Variants in TMEM150C observed in about 807,000 individuals in gnomAD.
The protein encoded by TMEM150C is transmembrane protein 150C.
In TMEM150C, 10 loss-of-function variants were observed where a neutral mutation model predicts 29.9. The observed-to-expected ratio is 0.33, with a 90% CI of 0.21 to 0.57. TMEM150C has a LOEUF of 0.57. Among genes scored for constraint, TMEM150C ranks in the 20% least tolerant of loss-of-function variants. The pLI, the probability that TMEM150C is intolerant of heterozygous loss-of-function variation, is 0.88. For missense variants in TMEM150C, 251 were observed against 303.6 expected (o/e 0.83, Z 1.29); for synonymous variants, 101 against 112.5 (o/e 0.90, Z 0.64).
chr4:82,503,199 T>C (rs953374176), intron 2 of TMEM150C, 87 bp from the exon 3 acceptor site: 8 of 903,622 alleles, frequency 8.9e-6, no homozygotes, highest in Non-Finnish European at 1.2e-5. Flanking sequence ...ACTGCACTAA[T>C]TCATATTCAT....
Position 82,502,717 on chromosome 4 carries a change from CTCT to C in TMEM150C, c.235+7_235+9del. ...CAAAGCACATAAAGCGTTCTTTACCCTCTTCTTACCTAGGAAGGCTGCCATGTT... is the reference window on the plus strand; with the variant it reads ...CAAAGCACATAAAGCGTTCTTTACCCTCTTACCTAGGAAGGCTGCCATGTT... On this transcript the variant is annotated splice_region_variant and intron_variant, in intron 5 of 7. Coordinates refer to ENST00000449862, the MANE Select transcript of TMEM150C (RefSeq NM_001080506.3). 1 of 1,605,398 alleles carries C rather than the reference CTCT, an allele frequency of 6.2e-7. No homozygotes were observed. Among genetic ancestry groups the C allele is most frequent in the South Asian group, 1.1e-5 (1 of 89,124 alleles).
Position 82,485,509 on chromosome 4 carries a change from G to C in TMEM150C, c.*2C>G. On this transcript the variant is annotated 3_prime_UTR_variant, in exon 8 of 8. Coordinates refer to ENST00000449862, the MANE Select transcript of TMEM150C (RefSeq NM_001080506.3). ...CCTCACCAGCAAGGAAAAACTGATG[G>C]TTTACACCTGGTCAGTCTGATATTC... The C allele has an allele frequency of 1.3e-6, 2 of 1,590,850 alleles. No individual in the cohort carries two copies. Among genetic ancestry groups the C allele is most frequent in the Non-Finnish European group, 1.7e-6 (2 of 1,168,148 alleles).
intron 1 of TMEM150C, among the ~76,000 whole-genome samples, chr4:82,558,946 C>A (rs1725827119): frequency 6.6e-6 from 1 of 152,148 alleles, no homozygotes; most frequent in Non-Finnish European, 1.5e-5. Context: ...TTCTTCCCCA[C>A]CCTAACTGAT....
chr4:82,511,588 A>C (rs1418030186), intron 1 of TMEM150C, among the ~76,000 whole-genome samples: 1 of 146,032 alleles, frequency 6.8e-6, no homozygotes, highest in Non-Finnish European at 1.5e-5. Flanking sequence ...TGATCCTCCC[A>C]CTTCAGCTTT....
upstream of TMEM150C, chr4:82,562,121 G>GTC (rs1725960288): frequency 7.9e-7 from 1 of 1,265,322 alleles, no homozygotes; most frequent in Admixed American, 2.5e-5. Flanking sequence ...GATCCCCTGG[G>GTC]TCTCGGGCTT....
chr4:82,546,152 G>A (rs1352773133), intron 1 of TMEM150C, among the ~76,000 whole-genome samples: 2 of 152,098 alleles, frequency 1.3e-5, no homozygotes, highest in Admixed American at 6.5e-5. Flanking sequence ...TAAAATGGCT[G>A]TTCTTCCTAA....
intron 1 of TMEM150C, among the ~76,000 whole-genome samples, chr4:82,559,742 C>T (rs1725858019): frequency 6.6e-6 from 1 of 152,162 alleles, no homozygotes; most frequent in Non-Finnish European, 1.5e-5. Context: ...CTAAGTGTTA[C>T]AGATTCTTCT....
At chr4:82,491,895 G>T (rs72913662) in intron 6 of TMEM150C, among the ~76,000 whole-genome samples, 19,884 of 150,932 alleles carry the variant, frequency 0.13, 2,553 homozygotes, top group African/African-American at 0.3. Context: ...TGTTCTTCAC[G>T]CTTGCAAAAC....
At chr4:82,552,669 C>G (rs1246834200) in intron 1 of TMEM150C, among the ~76,000 whole-genome samples, 1 of 152,156 alleles carries the variant, frequency 6.6e-6, no homozygotes, top group South Asian at 2.1e-4. Context: ...CTGAGCTCCC[C>G]GACCCACCCA....
intron 1 of TMEM150C, among the ~76,000 whole-genome samples, chr4:82,522,273 C>CA (rs1462036536): frequency 6.6e-6 from 1 of 152,034 alleles, no homozygotes; most frequent in Non-Finnish European, 1.5e-5. Context: ...CACAAGCGAC[C>CA]AAAGTGAAAC....
intron 1 of TMEM150C, among the ~76,000 whole-genome samples, chr4:82,529,360 C>T (rs964834434): frequency 5.3e-5 from 8 of 151,240 alleles, no homozygotes; most frequent in Non-Finnish European, 1.2e-4. Flanking sequence ...ACAATCACAG[C>T]TCACTCCAGC....
intron 1 of TMEM150C, among the ~76,000 whole-genome samples, chr4:82,557,717 G>A (rs1725777304): frequency 6.7e-6 from 1 of 149,492 alleles, no homozygotes; most frequent in Non-Finnish European, 1.5e-5. Flanking sequence ...AGTACAAGTG[G>A]TTTTTCTTTT....
At chr4:82,515,680 C>T (rs557675560) in intron 1 of TMEM150C, among the ~76,000 whole-genome samples, 3 of 150,394 alleles carry the variant, frequency 2.0e-5, no homozygotes, top group Non-Finnish European at 3.0e-5. Context: ...GAGGTTGCAG[C>T]GAGCTGAGAT....
At chr4:82,524,215 C>A (rs976394379) in intron 1 of TMEM150C, among the ~76,000 whole-genome samples, 1 of 151,712 alleles carries the variant, frequency 6.6e-6, no homozygotes, top group Admixed American at 6.6e-5. Context: ...TTGCAGTGAG[C>A]CGAGATCACG....
chr4:82,504,264 C>T (rs182826032), intron 2 of TMEM150C, among the ~76,000 whole-genome samples: 57 of 152,250 alleles, frequency 3.7e-4, no homozygotes, highest in Non-Finnish European at 6.2e-4. Context: ...AGTGCAGTGG[C>T]GCAATCTCAG....
rs1411535711 is a variant in TMEM150C, at chr4:82,561,873, G to A, written c.-11+33C>T. On this transcript the variant is annotated intron_variant, in intron 1 of 7. Coordinates refer to ENST00000449862, the MANE Select transcript of TMEM150C (RefSeq NM_001080506.3). ...GCCGGACGCCCCCTGGCTGCGCGAC[G>A]GGCCCAGGCAGGGGAGGGGGCGCCG... 63 of 984,036 alleles carry A rather than the reference G, an allele frequency of 6.4e-5. No individual in the cohort carries two copies. In the African/African-American group the frequency reaches 1.0e-3, roughly 16 times the overall value. 61.0% of individuals were successfully genotyped at this position (984,036 alleles called of 1,614,324 possible). A position where few individuals can be genotyped will look rare whatever the true frequency, so the allele number is the denominator to read the frequency against.
intron 1 of TMEM150C, among the ~76,000 whole-genome samples, chr4:82,536,986 T>G (rs1328463826): frequency 6.6e-6 from 1 of 152,108 alleles, no homozygotes; most frequent in Non-Finnish European, 1.5e-5. Flanking sequence ...CAATTATTAT[T>G]ATTATTATTT....
At chr4:82,507,733 T>C in intron 1 of TMEM150C, among the ~76,000 whole-genome samples, 1 of 21,862 alleles carries the variant, frequency 4.6e-5, no homozygotes, top group African/African-American at 4.8e-4. Flanking sequence ...CTCTCTTTTT[T>C]TTTTTTTTTT....
chr4:82,544,670 T>C (rs1485678207), intron 1 of TMEM150C, among the ~76,000 whole-genome samples: 2 of 152,064 alleles, frequency 1.3e-5, no homozygotes, highest in Non-Finnish European at 1.5e-5. Context: ...TCCCAGCTAC[T>C]TGGGAGACTG....
Sources: allele counts gnomAD v4.1 joint callset (sites outside exome capture counted in the v4.1 genomes callset), GRCh38; gene constraint gnomAD v4.1.1; transcripts MANE v1.5; gene names NCBI Gene and HGNC (gene_info 2026-07-23, HGNC 2026-07-21).